The following MACROD2 variants were observed in gnomAD, a reference collection of about 807,000 sequenced individuals.
The protein encoded by MACROD2 is ADP-ribose glycohydrolase MACROD2.
Under a neutral mutation model 70.4 loss-of-function variants are expected in MACROD2, and 36 were observed. The observed-to-expected ratio is 0.51, with a 90% CI of 0.39 to 0.68. MACROD2 has a LOEUF of 0.68. Ranked by LOEUF, MACROD2 falls within the 30% of genes least tolerant of loss-of-function variation. The pLI, the probability that MACROD2 is intolerant of heterozygous loss-of-function variation, is 0.00. For synonymous variants in MACROD2, 172 were observed against 178.8 expected (o/e 0.96, Z 0.30); for missense variants, 496 against 538.4 (o/e 0.92, Z 0.78).
chr20:14,503,881 A>T (rs2084941927), intron 4 of MACROD2, among the ~76,000 whole-genome samples: 1 of 152,226 alleles, frequency 6.6e-6, no homozygotes, highest in Non-Finnish European at 1.5e-5. Flanking sequence ...TGGAAAAAGC[A>T]TAATTTTCTA....
At chr20:16,031,202 A>G (rs1410506368) in intron 15 of MACROD2, among the ~76,000 whole-genome samples, 1 of 152,174 alleles carries the variant, frequency 6.6e-6, no homozygotes, top group Non-Finnish European at 1.5e-5. Flanking sequence ...GTAAAATATA[A>G]AAACAGATGA....
At chr20:15,943,801 T>A (rs961382702) in intron 12 of MACROD2, among the ~76,000 whole-genome samples, 3 of 152,124 alleles carry the variant, frequency 2.0e-5, no homozygotes, top group African/African-American at 4.8e-5. Flanking sequence ...TATCATATTT[T>A]TAATATAAAA....
intron 5 of MACROD2, among the ~76,000 whole-genome samples, chr20:14,968,701 A>G (rs1454090915): frequency 6.6e-6 from 1 of 152,130 alleles, no homozygotes; most frequent in East Asian, 1.9e-4. Context: ...AGAATTTGCA[A>G]TACTGGAAAG....
chr20:15,176,190 G>A (rs2076460427), intron 5 of MACROD2, among the ~76,000 whole-genome samples: 1 of 152,156 alleles, frequency 6.6e-6, no homozygotes. Context: ...GAGGGGCTGA[G>A]GGCAGCTTAG....
intron 4 of MACROD2, among the ~76,000 whole-genome samples, chr20:14,632,843 CTTGA>C (rs1374025720): frequency 1.3e-5 from 2 of 152,148 alleles, no homozygotes; most frequent in Non-Finnish European, 2.9e-5. Flanking sequence ...AAAACATTGT[CTTGA>C]TTATCACCAT....
chr20:14,785,583 T>C (rs1170341871), intron 5 of MACROD2, among the ~76,000 whole-genome samples: 1 of 152,062 alleles, frequency 6.6e-6, no homozygotes, highest in African/African-American at 2.4e-5. Context: ...CCCGCTCCTC[T>C]GATGCCCCAG....
intron 5 of MACROD2, among the ~76,000 whole-genome samples, chr20:15,071,231 C>T (rs1380120734): frequency 3.9e-5 from 6 of 152,150 alleles, no homozygotes; most frequent in African/African-American, 9.7e-5. Flanking sequence ...TTAGGCCATT[C>T]GTGTGTTGTT....
intron 3 of MACROD2, among the ~76,000 whole-genome samples, chr20:14,195,175 G>C (rs1004148349): frequency 6.6e-6 from 1 of 152,048 alleles, no homozygotes; most frequent in Admixed American, 6.6e-5. Context: ...TGGAGTAGTT[G>C]GGAAATGTGG....
At chr20:15,958,222 C>T in intron 12 of MACROD2, among the ~76,000 whole-genome samples, 1 of 152,164 alleles carries the variant, frequency 6.6e-6, no homozygotes, top group East Asian at 1.9e-4. Context: ...TTTTAAAATA[C>T]TGAAACATTT....
At chr20:15,801,004 A>G (rs1244355199) in intron 8 of MACROD2, among the ~76,000 whole-genome samples, 4 of 150,886 alleles carry the variant, frequency 2.7e-5, no homozygotes, top group Non-Finnish European at 4.4e-5. Flanking sequence ...GCTCCTTAAG[A>G]GTCATCGCCA....
intron 3 of MACROD2, among the ~76,000 whole-genome samples, chr20:14,112,614 ATAT>A (rs2054466105): frequency 1.3e-5 from 2 of 152,094 alleles, no homozygotes; most frequent in African/African-American, 4.8e-5. Context: ...TAATTTCTAA[ATAT>A]TATTTTTTAC....
At chr20:14,677,185 A>G (rs1411893191) in intron 4 of MACROD2, among the ~76,000 whole-genome samples, 1 of 152,240 alleles carries the variant, frequency 6.6e-6, no homozygotes, top group Admixed American at 6.5e-5. Context: ...TCTGGGGCAA[A>G]ATAATCTTAA....
At chr20:14,950,996 T>C (rs1442029095) in intron 5 of MACROD2, among the ~76,000 whole-genome samples, 1 of 152,164 alleles carries the variant, frequency 6.6e-6, no homozygotes, top group Non-Finnish European at 1.5e-5. Flanking sequence ...GTGTATCTTC[T>C]TTCAGTACTG....
At chr20:14,436,229 A>G (rs1289681494) in intron 3 of MACROD2, among the ~76,000 whole-genome samples, 2 of 152,086 alleles carry the variant, frequency 1.3e-5, no homozygotes, top group Non-Finnish European at 2.9e-5. Flanking sequence ...ATTTAGTGTG[A>G]TTTTAAACCC....
chr20:14,575,041 A>AAAAAAAAAAAATATATATAT (rs1175447813), intron 4 of MACROD2, among the ~76,000 whole-genome samples: 1 of 23,862 alleles, frequency 4.2e-5, no homozygotes, highest in African/African-American at 7.5e-5. Context: ...AAAAAAAAAA[A>AAAAAAAAAAAATATATATAT]ATATTCACAA....
intron 3 of MACROD2, among the ~76,000 whole-genome samples, chr20:14,304,604 T>G (rs545265579): frequency 6.6e-6 from 1 of 152,302 alleles, no homozygotes; most frequent in Non-Finnish European, 1.5e-5. Flanking sequence ...TCAGGTTATA[T>G]CCAACAGTTT....
chr20:15,453,344 C>G (rs1205702648), intron 7 of MACROD2, among the ~76,000 whole-genome samples: 1 of 152,094 alleles, frequency 6.6e-6, no homozygotes, highest in Non-Finnish European at 1.5e-5. Flanking sequence ...CCTCCCTCCC[C>G]CTCCAACCTC....
chr20:15,273,425 T>C (rs1202688743), intron 6 of MACROD2, among the ~76,000 whole-genome samples: 2 of 151,650 alleles, frequency 1.3e-5, no homozygotes, highest in Non-Finnish European at 2.9e-5. Flanking sequence ...TCCATATATA[T>C]ATATATATAT....
At chr20:15,350,284 C>A (rs1600277105) in intron 6 of MACROD2, among the ~76,000 whole-genome samples, 1 of 152,292 alleles carries the variant, frequency 6.6e-6, no homozygotes, top group East Asian at 1.9e-4. Flanking sequence ...TGTAAGACCT[C>A]ATTTACATAG....
Sources: gnomAD v4.1 joint callset for allele counts (sites outside exome capture counted in the v4.1 genomes callset) on GRCh38, gnomAD v4.1.1 for gene constraint, MANE v1.5 for transcripts, NCBI Gene and HGNC (gene_info 2026-07-23, HGNC 2026-07-21) for gene names.